Variants in COL25A1 observed in about 807,000 individuals in gnomAD.
COL25A1 encodes collagen alpha-1(XXV) chain.
Under a neutral mutation model 128.4 loss-of-function variants are expected in COL25A1, and 103 were observed. The ratio of observed to expected loss-of-function variants is 0.80; its 90% CI spans 0.68 to 0.94. COL25A1 has a LOEUF of 0.94. Ranked by LOEUF, COL25A1 falls within the 40% of genes least tolerant of loss-of-function variation. The pLI, the probability that COL25A1 is intolerant of heterozygous loss-of-function variation, is 0.00. For missense variants in COL25A1, 745 were observed against 840.0 expected (o/e 0.89, Z 1.40); for synonymous variants, 279 against 277.2 (o/e 1.01, Z -0.06).
At chr4:109,079,156 T>C (rs1763626411) in intron 3 of COL25A1, among the ~76,000 whole-genome samples, 1 of 152,210 alleles carries the variant, frequency 6.6e-6, no homozygotes. Context: ...TACAGTTTCA[T>C]AATAATCCCA....
rs146553139 is a variant in COL25A1 at position 108,844,810 on chromosome 4, A to C, written c.1579-241T>G. ...ATGAAAACTATGTTAAAAGAAAAGG[A>C]AGCAACTAATTACCAAGAAATGCTA... On this transcript the variant is annotated intron_variant, in intron 29 of 37. Coordinates refer to ENST00000399132, the MANE Select transcript of COL25A1 (RefSeq NM_198721.4). Among the ~76,000 whole-genome samples the C allele has an allele frequency of 7.7e-3, 1,166 of 152,298 alleles. 18 individuals are homozygous for C. The highest frequency in any genetic ancestry group is 0.026 in the African/African-American group (1,096 of 41,566).
At chr4:109,250,185 T>C (rs2126241740) in intron 3 of COL25A1, among the ~76,000 whole-genome samples, 1 of 152,278 alleles carries the variant, frequency 6.6e-6, no homozygotes, top group African/African-American at 2.4e-5. Context: ...AAATGTCAGC[T>C]TGATAGATTT....
chr4:109,071,625 A>C (rs1301761574), intron 3 of COL25A1, among the ~76,000 whole-genome samples: 2 of 152,220 alleles, frequency 1.3e-5, no homozygotes, highest in Admixed American at 6.5e-5. Context: ...ACCCCATCAA[A>C]AAGTGGGCAA....
intron 3 of COL25A1, among the ~76,000 whole-genome samples, chr4:109,267,806 T>C (rs1781892366): frequency 6.6e-6 from 1 of 152,040 alleles, no homozygotes; most frequent in Non-Finnish European, 1.5e-5. Flanking sequence ...AAATCTAAAA[T>C]CTGAAATACT....
chr4:108,990,749 G>C (rs772067283), intron 6 of COL25A1, among the ~76,000 whole-genome samples: 2 of 152,090 alleles, frequency 1.3e-5, no homozygotes, highest in Non-Finnish European at 2.9e-5. Flanking sequence ...ATGTGTGCCA[G>C]TACACTGTTT....
At chr4:108,924,816 G>A (rs1745862073) in intron 11 of COL25A1, among the ~76,000 whole-genome samples, 1 of 152,018 alleles carries the variant, frequency 6.6e-6, no homozygotes, top group East Asian at 1.9e-4. Flanking sequence ...GCATAAGCCA[G>A]GCTTCCACAT....
chr4:109,289,517 G>T (rs1198607767), intron 3 of COL25A1, among the ~76,000 whole-genome samples: 1 of 152,068 alleles, frequency 6.6e-6, no homozygotes, highest in African/African-American at 2.4e-5. Context: ...ATTTGCCATT[G>T]ATGTTTTCTC....
intron 3 of COL25A1, among the ~76,000 whole-genome samples, chr4:109,075,143 C>A (rs1763276818): frequency 6.6e-6 from 1 of 152,102 alleles, no homozygotes; most frequent in Non-Finnish European, 1.5e-5. Context: ...CAGTTAAGTA[C>A]CAATTCAAAA....
At chr4:108,944,947 C>T (rs1023216372) in intron 8 of COL25A1, among the ~76,000 whole-genome samples, 4 of 152,070 alleles carry the variant, frequency 2.6e-5, no homozygotes, top group African/African-American at 7.2e-5. Context: ...CAGGAGTTTA[C>T]GTGTAGCAAA....
At chr4:108,980,547 G>A (rs778626106) in intron 6 of COL25A1, among the ~76,000 whole-genome samples, 19 of 152,172 alleles carry the variant, frequency 1.2e-4, no homozygotes, top group African/African-American at 2.9e-4. Context: ...CACAGTGTTG[G>A]CAGCGTCGGC....
At chr4:109,130,992 T>TAC (rs1361934827) in intron 3 of COL25A1, among the ~76,000 whole-genome samples, 1 of 152,186 alleles carries the variant, frequency 6.6e-6, no homozygotes, top group East Asian at 1.9e-4. Flanking sequence ...ATACCATCAT[T>TAC]ACTTAATATC....
intron 11 of COL25A1, among the ~76,000 whole-genome samples, chr4:108,926,259 C>T (rs1048144620): frequency 1.3e-5 from 2 of 152,048 alleles, no homozygotes; most frequent in African/African-American, 2.4e-5. Context: ...ATGTAGGGGG[C>T]GGACACAGTT....
chr4:109,069,253 C>T (rs1224118450), intron 3 of COL25A1, among the ~76,000 whole-genome samples: 1 of 151,100 alleles, frequency 6.6e-6, no homozygotes, highest in Non-Finnish European at 1.5e-5. Flanking sequence ...ATTCTGTCAC[C>T]CAAGCTGGAG....
At chr4:109,257,167 G>A (rs1179749504) in intron 3 of COL25A1, among the ~76,000 whole-genome samples, 1 of 152,134 alleles carries the variant, frequency 6.6e-6, no homozygotes, top group Non-Finnish European at 1.5e-5. Flanking sequence ...AGATATGTAA[G>A]GGGTTTGGAA....
intron 11 of COL25A1, among the ~76,000 whole-genome samples, chr4:108,937,596 T>C (rs1578823224): frequency 7.0e-6 from 1 of 143,280 alleles, no homozygotes; most frequent in South Asian, 2.4e-4. Context: ...TCCCCACACC[T>C]GGAATCTCTT....
intron 3 of COL25A1, among the ~76,000 whole-genome samples, chr4:109,173,562 T>A (rs537446445): frequency 2.0e-5 from 3 of 152,224 alleles, no homozygotes; most frequent in South Asian, 2.1e-4. Flanking sequence ...TACTTTTCTA[T>A]GAGCTTCTCT....
At chr4:108,860,780 G>A in intron 23 of COL25A1, 147 bp downstream of exon 23, 1 of 675,284 alleles carries the variant, frequency 1.5e-6, no homozygotes, top group South Asian at 1.9e-5. Flanking sequence ...GGAGGTAGGG[G>A]TGTTTCAGGA....
chr4:109,095,615 C>A (rs1377688181), intron 3 of COL25A1, among the ~76,000 whole-genome samples: 3 of 152,174 alleles, frequency 2.0e-5, no homozygotes, highest in African/African-American at 7.2e-5. Flanking sequence ...ACTCATTTGT[C>A]CCCTGGGAAA....
chr4:108,904,524 A>G (rs1355820681), intron 13 of COL25A1, among the ~76,000 whole-genome samples: 2 of 152,156 alleles, frequency 1.3e-5, no homozygotes, highest in African/African-American at 4.8e-5. Flanking sequence ...AGTCCTCTAA[A>G]TAAAGTTGTA....
Sources: gnomAD v4.1 joint callset for allele counts (sites outside exome capture counted in the v4.1 genomes callset) on GRCh38, gnomAD v4.1.1 for gene constraint, MANE v1.5 for transcripts, NCBI Gene and HGNC (gene_info 2026-07-23, HGNC 2026-07-21) for gene names.